The following GABRB2 variants were observed in gnomAD, a reference collection of about 807,000 sequenced individuals.
The protein encoded by GABRB2 is gamma-aminobutyric acid type A receptor subunit beta2.
In GABRB2, 16 loss-of-function variants were observed where a neutral mutation model predicts 54.7. The ratio of observed to expected loss-of-function variants is 0.29; its 90% CI spans 0.20 to 0.44. The LOEUF (loss-of-function observed/expected upper bound fraction) is 0.44, where lower values mean the gene tolerates loss of function less well. Among genes scored for constraint, GABRB2 ranks in the 20% least tolerant of loss-of-function variants. The probability of loss-of-function intolerance (pLI) is 1.00; values close to 1 mark genes in which losing one functional copy is unlikely to be tolerated. For synonymous variants in GABRB2, 244 were observed against 233.8 expected, an observed-to-expected ratio of 1.04 and a Z score of -0.40; for missense variants, 355 against 644.0, an observed-to-expected ratio of 0.55 and a Z score of 4.86.
rs1430615546 is a variant in GABRB2, at chr5:161,289,273, T to C, written c.*4808A>G. Reference sequence around the variant, plus strand: ...TTGTACAGATTTCTTTAGGGCAGTATCTTCATTAGCATTCTGTTCACTCCT... The same window carrying C: ...TTGTACAGATTTCTTTAGGGCAGTACCTTCATTAGCATTCTGTTCACTCCT... On this transcript the variant is annotated 3_prime_UTR_variant, in exon 10 of 10. Coordinates refer to ENST00000393959, the MANE Select transcript of GABRB2 (RefSeq NM_001371727.1). 1 of 143,646 alleles carries C rather than the reference T, an allele frequency of 7.0e-6. No individual in the cohort carries two copies. Among genetic ancestry groups the C allele is most frequent in the African/African-American group, 2.5e-5 (1 of 39,260 alleles). 8.9% of individuals were successfully genotyped at this position (143,646 alleles called of 1,614,324 possible).
intron 3 of GABRB2, among the ~76,000 whole-genome samples, chr5:161,523,497 C>A (rs1354440684): frequency 1.3e-5 from 2 of 151,328 alleles, no homozygotes; most frequent in African/African-American, 4.8e-5. Context: ...TGCTGACTTT[C>A]CTGCTTTTCT....
In GABRB2 at chr5:161,288,488, T is replaced by G. The variant is rs1339505311; in HGVS notation, c.*5593A>C. 1 of 152,656 alleles carries G rather than the reference T, an allele frequency of 6.6e-6. No homozygotes were observed. The highest frequency in any genetic ancestry group is 1.5e-5 in the Non-Finnish European group (1 of 68,036). The allele number at this position is 152,656 out of a possible 1,614,324, so 9.5% of individuals were successfully genotyped here. On this transcript the variant is annotated 3_prime_UTR_variant, in exon 10 of 10. Transcript: ENST00000393959. The stretch of plus-strand genomic sequence containing the variant: ...TCAAGAATTACACACTAGCCAACAT[T>G]ATTATATATTTACATGCTGAAACTG...
intron 5 of GABRB2, among the ~76,000 whole-genome samples, chr5:161,394,836 T>C (rs1181408483): frequency 1.3e-5 from 2 of 152,066 alleles, no homozygotes; most frequent in Non-Finnish European, 2.9e-5. Flanking sequence ...GATGGATCAC[T>C]GTCCCCACTC....
chr5:161,505,752 T>C (rs1026557442), intron 3 of GABRB2, among the ~76,000 whole-genome samples: 3 of 152,238 alleles, frequency 2.0e-5, no homozygotes, highest in African/African-American at 7.2e-5. Context: ...ATTCATGATC[T>C]AAAAAGAAAC....
At position 161,293,051 on chromosome 5, in the gene GABRB2, T is replaced by C. The variant is rs1172608815; in HGVS notation, c.*1030A>G. 6.6e-6 allele frequency: 1 copy of C among 152,214 alleles called. No individual in the cohort carries two copies. Among genetic ancestry groups the C allele is most frequent in the Admixed American group, 6.5e-5 (1 of 15,272 alleles). The allele number at this position is 152,214 out of a possible 1,614,324, so 9.4% of individuals were successfully genotyped here. On this transcript the variant is annotated 3_prime_UTR_variant, in exon 10 of 10. Transcript: ENST00000393959. ...TGAGAAAAACAATCTGTTTGCTAGT[T>C]TGTGCTCTGTATTTGTATATTTGAA... is the stretch of plus-strand genomic sequence containing the variant.
intron 3 of GABRB2, among the ~76,000 whole-genome samples, chr5:161,534,118 C>A (rs1760552850): frequency 6.6e-6 from 1 of 152,138 alleles, no homozygotes; most frequent in South Asian, 2.1e-4. Context: ...TCTAAAAGCA[C>A]AGCACAATTT....
intron 9 of GABRB2, among the ~76,000 whole-genome samples, chr5:161,314,476 A>T (rs1422153201): frequency 1.3e-5 from 2 of 152,202 alleles, no homozygotes; most frequent in Admixed American, 1.3e-4. Flanking sequence ...CTAAGTAAGC[A>T]TCAAGTAATC....
At chr5:161,346,724 A>C (rs1272518802) in intron 5 of GABRB2, among the ~76,000 whole-genome samples, 1 of 152,106 alleles carries the variant, frequency 6.6e-6, no homozygotes, top group Non-Finnish European at 1.5e-5. Flanking sequence ...TAATAAGACA[A>C]ATTTTCATAC....
chr5:161,308,781 A>G (rs944333000), intron 9 of GABRB2, among the ~76,000 whole-genome samples: 2 of 152,242 alleles, frequency 1.3e-5, no homozygotes, highest in African/African-American at 4.8e-5. Context: ...CTATTCAATA[A>G]ATGTTGCTAG....
intron 3 of GABRB2, among the ~76,000 whole-genome samples, chr5:161,494,021 C>T (rs546419546): frequency 6.6e-6 from 1 of 151,776 alleles, no homozygotes; most frequent in East Asian, 1.9e-4. Context: ...GCAACAAATA[C>T]ATACAATTTT....
At chr5:161,454,112 G>A (rs1165429735) in intron 4 of GABRB2, among the ~76,000 whole-genome samples, 1 of 151,762 alleles carries the variant, frequency 6.6e-6, no homozygotes, top group Non-Finnish European at 1.5e-5. Context: ...TTAAGAAAAT[G>A]GAGGAGTGAT....
At chr5:161,385,314 C>T (rs957859524) in intron 5 of GABRB2, among the ~76,000 whole-genome samples, 1 of 152,206 alleles carries the variant, frequency 6.6e-6, no homozygotes, top group Non-Finnish European at 1.5e-5. Context: ...CTCTCATAAA[C>T]ATTTCACCGT....
At chr5:161,415,374 C>T (rs1190865275) in intron 4 of GABRB2, among the ~76,000 whole-genome samples, 1 of 152,134 alleles carries the variant, frequency 6.6e-6, no homozygotes, top group African/African-American at 2.4e-5. Flanking sequence ...AAATGTTTTA[C>T]TACTTAGCCA....
intron 5 of GABRB2, among the ~76,000 whole-genome samples, chr5:161,351,524 TC>T (rs773591602): frequency 7.9e-5 from 12 of 152,064 alleles, no homozygotes; most frequent in Non-Finnish European, 1.6e-4. Flanking sequence ...AAACCCTTGT[TC>T]CATGCCAGAT....
chr5:161,506,399 T>C (rs987421450), intron 3 of GABRB2, among the ~76,000 whole-genome samples: 3 of 152,178 alleles, frequency 2.0e-5, no homozygotes, highest in Admixed American at 6.5e-5. Context: ...ATCATTTACA[T>C]GAGGCTGTGT....
intron 3 of GABRB2, among the ~76,000 whole-genome samples, chr5:161,495,230 G>C (rs1447020703): frequency 6.6e-6 from 1 of 151,772 alleles, no homozygotes; most frequent in Non-Finnish European, 1.5e-5. Flanking sequence ...AACTTTCCTT[G>C]AATAAGTCCT....
chr5:161,473,218 ATGATAG>A (rs1449535400), intron 3 of GABRB2, among the ~76,000 whole-genome samples: 1 of 152,040 alleles, frequency 6.6e-6, no homozygotes, highest in Non-Finnish European at 1.5e-5. Flanking sequence ...TGATAAAGCA[ATGATAG>A]TAAAGCTATG....
chr5:161,321,620 A>T (rs547752015), intron 9 of GABRB2, among the ~76,000 whole-genome samples: 2 of 152,244 alleles, frequency 1.3e-5, no homozygotes, highest in South Asian at 2.1e-4. Context: ...AGTATCTTTC[A>T]TTTGTCATTA....
intron 4 of GABRB2, among the ~76,000 whole-genome samples, chr5:161,450,238 T>C (rs1375867728): frequency 1.3e-5 from 2 of 152,094 alleles, no homozygotes; most frequent in Non-Finnish European, 2.9e-5. Flanking sequence ...TTTCATTCCG[T>C]TGAAATCAAC....
Sources: allele counts gnomAD v4.1 joint callset (sites outside exome capture counted in the v4.1 genomes callset), GRCh38; gene constraint gnomAD v4.1.1; transcripts MANE v1.5; gene names NCBI Gene and HGNC (gene_info 2026-07-23, HGNC 2026-07-21).